The following GYPB variants were observed in gnomAD, a reference collection of about 807,000 sequenced individuals.
GYPB encodes glycophorin-B.
Under a neutral mutation model 15.3 loss-of-function variants are expected in GYPB, and 13 were observed. That is an observed-to-expected ratio of 0.85 (90% CI 0.55 to 1.35). The LOEUF (loss-of-function observed/expected upper bound fraction) is 1.35. Among genes scored for constraint, GYPB ranks in the 40% most tolerant of loss-of-function variants. GYPB has a pLI of 0.00. For synonymous variants in GYPB, 38 were observed against 36.9 expected, an observed-to-expected ratio of 1.03 and a Z score of -0.11; for missense variants, 131 against 108.3, an observed-to-expected ratio of 1.21 and a Z score of -0.93.
In GYPB at chr4:144,008,584, A is replaced by G; in HGVS notation, c.38-7301T>C. On this transcript the variant is annotated intron_variant, in intron 1 of 4. Coordinates refer to ENST00000502664, the MANE Select transcript of GYPB (RefSeq NM_002100.6). ...TGCCTACTAAAGAATCCTCAGAACA[A>G]AAGGGGATTTCACATATTTTACCTG... The G allele has an allele frequency of 9.1e-6, 4 of 439,710 alleles. No individual in the cohort carries two copies. The Admixed American group carries it at 9.6e-5, about 11-fold the overall frequency. The allele number at this position is 439,710 out of a possible 1,614,324, so 27.2% of individuals were successfully genotyped here. A position where few individuals can be genotyped will look rare whatever the true frequency, so the allele number is the denominator to read the frequency against.
chr4:144,002,595 C>T, intron 1 of GYPB: 1 of 1,287,150 alleles, frequency 7.8e-7, no homozygotes, highest in Non-Finnish European at 1.0e-6. Flanking sequence ...TGGAGACATT[C>T]AAATGAGGGG....
In GYPB at chr4:143,999,434, A is replaced by C; in HGVS notation, c.152T>G (p.Leu51Arg). Residue 51 changes from leucine (L) to arginine (R), a missense_variant, in exon 3 of 5, where the codon CTT (leucine) becomes CGT (arginine). By Grantham distance (102) the Leu-to-Arg change is moderately radical. Transcript: ENST00000502664. ...ACCTGGTACAGTGAAACGATGGACA[A>C]GTTGTCCCGTTTCTCCTATAAAGCA... ...SSQTNGETGQ[L>R]VHRFTVPAPV... 6.5e-7 allele frequency: 1 copy of C among 1,541,074 alleles called. No individual in the cohort carries two copies. The highest frequency in any genetic ancestry group is 1.1e-5 in the South Asian group (1 of 88,194).
At chr4:144,010,048 T>C (rs1454170729) in intron 1 of GYPB, among the ~76,000 whole-genome samples, 1 of 151,446 alleles carries the variant, frequency 6.6e-6, no homozygotes, top group Non-Finnish European at 1.5e-5. Context: ...TGTCTGGATG[T>C]GAAACCCAAT....
At chr4:144,013,612 C>T (rs370500499) in intron 1 of GYPB, among the ~76,000 whole-genome samples, 1 of 151,076 alleles carries the variant, frequency 6.6e-6, no homozygotes, top group African/African-American at 2.5e-5. Context: ...AGTTCATGTC[C>T]TTTGTAGGGA....
rs1189265989 is a variant in GYPB, at chr4:144,008,715, G to C, written c.38-7432C>G. Reference sequence around the variant, plus strand: ...GGATGAAAATAATTTCAATTGAAAAGAAAAACTTTATCCCAAAGTTCTCAC... The same window carrying C: ...GGATGAAAATAATTTCAATTGAAAACAAAAACTTTATCCCAAAGTTCTCAC... On this transcript the variant is annotated intron_variant, in intron 1 of 4. Coordinates refer to ENST00000502664, the MANE Select transcript of GYPB (RefSeq NM_002100.6). Among the ~76,000 whole-genome samples, 33 of 151,576 alleles carry C rather than the reference G, an allele frequency of 2.2e-4. 2 individuals are homozygous for C. The highest frequency in any genetic ancestry group is 6.4e-4 in the African/African-American group (26 of 40,908).
Position 143,997,540 on chromosome 4 carries a change from C to A in GYPB, c.270G>T (p.Lys90Asn). The change falls in exon 4 of 5, where the codon AAG becomes AAT. Residue 90 changes from lysine to asparagine, a missense_variant and splice_region_variant. Lys to Asn is a moderately conservative substitution (Grantham distance 94). Transcript: ENST00000502664. ...LISYSIRRLI[K>N]A is the part of the protein sequence containing the mutation. ...GCAAAATTAAAAACTGAATTCTCAC[C>A]TTTATCAGTCGGCGAATACTGTAAG... 1 of 1,551,156 alleles carries A rather than the reference C, an allele frequency of 6.4e-7. No individual in the cohort carries two copies. The highest frequency in any genetic ancestry group is 8.9e-7 in the Non-Finnish European group (1 of 1,125,690).
intron 3 of GYPB, among the ~76,000 whole-genome samples, 178 bp from the exon 4 acceptor site, chr4:143,997,812 A>G (rs1000351917): frequency 1.3e-4 from 19 of 151,400 alleles, no homozygotes; most frequent in Admixed American, 2.6e-4. Flanking sequence ...ACCTTGTGGG[A>G]AACTGGGACT....
chr4:144,015,069 G>C (rs1393849018), intron 1 of GYPB, among the ~76,000 whole-genome samples: 1 of 151,380 alleles, frequency 6.6e-6, no homozygotes, highest in Admixed American at 6.6e-5. Flanking sequence ...CAAATAGATT[G>C]TATAGTCATA....
Position 144,013,068 on chromosome 4 carries a change from C to A in GYPB, c.37+6183G>T, listed in dbSNP as rs541402484. ...AGTATATCTGATAAGACTCTTTATC[C>A]AGAACATAGAAAGAACTCTTACAAC... On this transcript the variant is annotated intron_variant, in intron 1 of 4. Transcript: ENST00000502664. Among the ~76,000 whole-genome samples, 43 of 151,542 alleles carry A rather than the reference C, an allele frequency of 2.8e-4. 2 individuals are homozygous for A. Among genetic ancestry groups the A allele is most frequent in the African/African-American group, 1.0e-3 (41 of 40,870 alleles).
Position 143,999,152 on chromosome 4 carries a change from C to G in GYPB, c.175+259G>C, listed in dbSNP as rs892261375. ...CAAATTCCTGGGCTCAAGTGATTAG[C>G]CAGGCTTGGCCTCCCAAAATTATAG... is the stretch of plus-strand genomic sequence containing the variant. On this transcript the variant is annotated intron_variant, in intron 3 of 4. Coordinates refer to ENST00000502664, the MANE Select transcript of GYPB (RefSeq NM_002100.6). The G allele has an allele frequency of 1.1e-4, 35 of 327,362 alleles. 2 individuals carry two copies. Among genetic ancestry groups the G allele is most frequent in the Non-Finnish European group, 3.4e-5 (6 of 175,112 alleles). The allele number at this position is 327,362 out of a possible 1,614,324, so 20.3% of individuals were successfully genotyped here. A position where few individuals can be genotyped will look rare whatever the true frequency, so the allele number is the denominator to read the frequency against.
At chr4:143,995,443 G>A (rs1340914737), downstream of GYPB, among the ~76,000 whole-genome samples, 2 of 151,310 alleles carry the variant, frequency 1.3e-5, no homozygotes, top group African/African-American at 4.9e-5. Flanking sequence ...GGGTAAGGCA[G>A]TCAGAATGTA....
At chr4:144,015,991 G>A (rs1322635715) in intron 1 of GYPB, among the ~76,000 whole-genome samples, 1 of 150,964 alleles carries the variant, frequency 6.6e-6, no homozygotes. Context: ...TGCCTACTAT[G>A]TGGCTGACAA....
At chr4:144,008,379 G>T (rs981573702) in intron 1 of GYPB, 39 of 455,234 alleles carry the variant, frequency 8.6e-5, no homozygotes, top group Non-Finnish European at 1.5e-4. Flanking sequence ...GAGATATAAA[G>T]ATAATAATTC....
intron 1 of GYPB, among the ~76,000 whole-genome samples, chr4:144,002,169 G>C (rs1240394799): frequency 2.6e-5 from 4 of 151,056 alleles, no homozygotes; most frequent in Non-Finnish European, 5.9e-5. Flanking sequence ...AAGTAATATA[G>C]ATTCAATAAA....
At position 144,001,179 on chromosome 4, in the gene GYPB, A is replaced by G. The variant is rs1274456417; in HGVS notation, c.136+6T>C. 2 of 1,612,710 alleles carry G rather than the reference A, an allele frequency of 1.2e-6. No homozygotes were observed. Among genetic ancestry groups the G allele is most frequent in the African/African-American group, 2.7e-5 (2 of 73,938 alleles). ...CCACAATTTAAAAATAAAAATGAAAACAAACCATTTGTCTGTGATGAGATG... is the reference window on the plus strand; with the variant it reads ...CCACAATTTAAAAATAAAAATGAAAGCAAACCATTTGTCTGTGATGAGATG... On this transcript the variant is annotated splice_donor_region_variant and intron_variant, in intron 2 of 4. Coordinates refer to ENST00000502664, the MANE Select transcript of GYPB (RefSeq NM_002100.6).
Position 143,996,304 on chromosome 4 carries a change from C to G in GYPB, c.271G>C (p.Ala91Pro), listed in dbSNP as rs574048862. The change falls in exon 5 of 5, where the codon GCA becomes CCA. Residue 91 changes from alanine to proline, a missense_variant and splice_region_variant. Physicochemically the swap from Ala to Pro is conservative, Grantham distance 27 (BLOSUM62 -1). Transcript: ENST00000502664. ...GCAGCATGCAGGCCACATCCTCATG[C>G]CTGTGATAAAAAGACAAGAAGTTTC... ...ISYSIRRLIK[A>P] 4 of 1,550,706 alleles carry G rather than the reference C, an allele frequency of 2.6e-6. No individual in the cohort carries two copies. Among genetic ancestry groups the G allele is most frequent in the African/African-American group, 2.8e-5 (2 of 71,820 alleles).
chr4:144,015,656 C>A (rs191381156), intron 1 of GYPB, among the ~76,000 whole-genome samples: 1,864 of 151,388 alleles, frequency 0.012, 138 homozygotes, highest in African/African-American at 0.043. Context: ...GTTTGAGATA[C>A]CATCCCTACT....
Position 144,018,288 on chromosome 4 carries a change from A to G in GYPB, c.37+963T>C, listed in dbSNP as rs1579076005. Among the ~76,000 whole-genome samples the G allele has an allele frequency of 6.6e-5, 10 of 151,312 alleles. No individual in the cohort carries two copies. The South Asian group carries it at 2.1e-3, about 31-fold the overall frequency. On this transcript the variant is annotated intron_variant, in intron 1 of 4. Transcript: ENST00000502664. The stretch of plus-strand genomic sequence containing the variant: ...CCTTGAGAAGTAAAACTAGATTTGA[A>G]CCCAGTTCTGTCTGTTCCTCATGCC...
intron 1 of GYPB, among the ~76,000 whole-genome samples, chr4:144,010,340 A>T (rs1579064301): frequency 1.3e-5 from 2 of 151,346 alleles, no homozygotes. Flanking sequence ...GTGGTTGAGC[A>T]CACCTGAAGT....
Sources: gnomAD v4.1 joint callset for allele counts (sites outside exome capture counted in the v4.1 genomes callset) on GRCh38, gnomAD v4.1.1 for gene constraint, MANE v1.5 for transcripts, NCBI Gene and HGNC (gene_info 2026-07-23, HGNC 2026-07-21) for gene names.